AUTS2: variants seen among roughly 807,000 people sequenced by gnomAD.
AUTS2 encodes the protein activator of transcription and developmental regulator AUTS2, also known as autism susceptibility gene 2 protein.
AUTS2 carries 17 observed loss-of-function variants against 112.4 expected under a neutral mutation model. The ratio of observed to expected loss-of-function variants is 0.15; its 90% CI spans 0.10 to 0.23. The LOEUF (loss-of-function observed/expected upper bound fraction) is 0.23. Ranked by LOEUF, AUTS2 falls within the 10% of genes least tolerant of loss-of-function variation. The pLI is 1.00. For missense variants in AUTS2, 1,510 were observed against 1,701.6 expected (o/e 0.89, Z 1.98); for synonymous variants, 751 against 702.7 (o/e 1.07, Z -1.09).
chr7:70,067,603 T>C (rs1168421635), intron 2 of AUTS2, among the ~76,000 whole-genome samples: 4 of 152,148 alleles, frequency 2.6e-5, no homozygotes, highest in Non-Finnish European at 5.9e-5. Context: ...CCCAGCACTT[T>C]GGTAGTTCAA....
intron 6 of AUTS2, among the ~76,000 whole-genome samples, chr7:70,714,759 T>C (rs1176871530): frequency 6.6e-6 from 1 of 152,218 alleles, no homozygotes; most frequent in African/African-American, 2.4e-5. Context: ...AAATGGAAGT[T>C]GGCCGTAAAG....
At chr7:70,081,877 T>A (rs181444131) in intron 2 of AUTS2, among the ~76,000 whole-genome samples, 2 of 152,082 alleles carry the variant, frequency 1.3e-5, no homozygotes, top group East Asian at 3.9e-4. Context: ...AAAAATCCAG[T>A]TGATGCCAGT....
At chr7:70,483,201 T>A (rs895048302) in intron 5 of AUTS2, among the ~76,000 whole-genome samples, 6 of 151,062 alleles carry the variant, frequency 4.0e-5, no homozygotes, top group Non-Finnish European at 5.9e-5. Flanking sequence ...TGTCTTCTAC[T>A]GTGTGCTCCA....
intron 1 of AUTS2, among the ~76,000 whole-genome samples, chr7:69,768,467 A>C (rs575515688): frequency 6.6e-6 from 1 of 152,150 alleles, no homozygotes; most frequent in South Asian, 2.1e-4. Context: ...GTGAGTGTAT[A>C]TTTCTTTTTG....
At chr7:69,898,548 G>A (rs534625932) in intron 1 of AUTS2, among the ~76,000 whole-genome samples, 1 of 152,252 alleles carries the variant, frequency 6.6e-6, no homozygotes, top group East Asian at 1.9e-4. Context: ...TGGAGGCACA[G>A]AACTCTTATC....
intron 2 of AUTS2, among the ~76,000 whole-genome samples, chr7:70,044,196 A>G (rs968589240): frequency 1.3e-5 from 2 of 152,080 alleles, no homozygotes; most frequent in African/African-American, 4.8e-5. Flanking sequence ...GCTGGTTTCC[A>G]GGTGCAGGTC....
intron 6 of AUTS2, among the ~76,000 whole-genome samples, chr7:70,727,285 G>C (rs1367738917): frequency 6.6e-6 from 1 of 152,220 alleles, no homozygotes; most frequent in Non-Finnish European, 1.5e-5. Flanking sequence ...TTCTGTCATA[G>C]CAAGCAAAAG....
At position 69,973,451 on chromosome 7, in the gene AUTS2, A is replaced by G. The variant is rs1448792450; in HGVS notation, c.522+73953A>G. 2.6e-5 allele frequency among the ~76,000 whole-genome samples: 4 copies of G among 152,284 alleles called. No homozygotes were observed. In the East Asian group the frequency reaches 7.7e-4, roughly 29 times the overall value. On this transcript the variant is annotated intron_variant, in intron 2 of 18. Coordinates refer to ENST00000342771, the MANE Select transcript of AUTS2 (RefSeq NM_015570.4). ...TTTCTTGGCTAATTGCACTGAGTAG[A>G]ACTTCTCATGCGGTGTGAACTAAGA...
chr7:70,280,045 A>G (rs1788130472), intron 4 of AUTS2, among the ~76,000 whole-genome samples: 1 of 152,162 alleles, frequency 6.6e-6, no homozygotes, highest in Non-Finnish European at 1.5e-5. Context: ...ACGAAATGAG[A>G]ATAATAATTC....
At chr7:70,586,270 G>A (rs2129527793) in intron 5 of AUTS2, among the ~76,000 whole-genome samples, 1 of 152,278 alleles carries the variant, frequency 6.6e-6, no homozygotes, top group East Asian at 1.9e-4. Flanking sequence ...TATCAAATTG[G>A]TGAGTGTGTA....
intron 1 of AUTS2, among the ~76,000 whole-genome samples, chr7:69,847,483 T>G (rs930942273): frequency 6.6e-6 from 1 of 152,162 alleles, no homozygotes; most frequent in Non-Finnish European, 1.5e-5. Context: ...GCCATAGCCT[T>G]TAAAACAGGA....
intron 1 of AUTS2, among the ~76,000 whole-genome samples, chr7:69,650,154 A>G (rs1040893826): frequency 7.2e-5 from 11 of 152,202 alleles, no homozygotes; most frequent in African/African-American, 2.4e-4. Context: ...AAATTGGGCT[A>G]TTCCCATGCT....
chr7:70,143,361 A>G (rs904364747), intron 4 of AUTS2, among the ~76,000 whole-genome samples: 1 of 152,226 alleles, frequency 6.6e-6, no homozygotes, highest in Non-Finnish European at 1.5e-5. Flanking sequence ...ATACAATGTC[A>G]TTTTAACAAA....
rs11973677 is a variant in AUTS2, at chr7:70,341,136, C to T, written c.661-94616C>T. Among the ~76,000 whole-genome samples, 319 of 152,272 alleles carry T rather than the reference C, an allele frequency of 2.1e-3. 1 individual carries two copies. The highest frequency in any genetic ancestry group is 7.4e-3 in the African/African-American group (308 of 41,562). ...TCTGATTTATTAGCTCTTCATTATTCTCATTCTGTCAGCTTCCCAATAAAT... is the reference window on the plus strand; with the variant it reads ...TCTGATTTATTAGCTCTTCATTATTTTCATTCTGTCAGCTTCCCAATAAAT... On this transcript the variant is annotated intron_variant, in intron 4 of 18. Transcript: ENST00000342771.
intron 4 of AUTS2, among the ~76,000 whole-genome samples, chr7:70,312,005 C>A (rs921462703): frequency 6.6e-6 from 1 of 152,142 alleles, no homozygotes; most frequent in Non-Finnish European, 1.5e-5. Context: ...TGAGCCACCG[C>A]GCCCGGCCAC....
At chr7:69,647,845 C>G (rs1200701243) in intron 1 of AUTS2, among the ~76,000 whole-genome samples, 1 of 152,186 alleles carries the variant, frequency 6.6e-6, no homozygotes, top group African/African-American at 2.4e-5. Flanking sequence ...TTTGCCTCTT[C>G]CTAGCTTCTG....
chr7:69,735,770 CCCTT>C (rs1787003011), intron 1 of AUTS2, among the ~76,000 whole-genome samples: 1 of 152,176 alleles, frequency 6.6e-6, no homozygotes, highest in South Asian at 2.1e-4. Context: ...TAAGGGCTGG[CCCTT>C]ATCTGATTTG....
intron 1 of AUTS2, among the ~76,000 whole-genome samples, chr7:69,676,458 C>T (rs1384970032): frequency 6.6e-6 from 1 of 152,222 alleles, no homozygotes; most frequent in East Asian, 1.9e-4. Context: ...CTAGAAATGA[C>T]TATAAACTGA....
rs1346307604 is a variant in AUTS2, at chr7:70,694,750, T to C, written c.691-3819T>C. On this transcript the variant is annotated intron_variant, in intron 5 of 18. Transcript: ENST00000342771. The surrounding 1 kb of genome is among the most constrained non-coding windows in gnomAD (Gnocchi z 4.1). ...GGCCGGGCGATCTCGGCGGGCGCGCTCCTCCCGCCGCCCGGGGCCTCGGCC... is the reference window on the plus strand; with the variant it reads ...GGCCGGGCGATCTCGGCGGGCGCGCCCCTCCCGCCGCCCGGGGCCTCGGCC... 6.8e-6 allele frequency: 1 copy of C among 147,074 alleles called. No homozygotes were observed. Among genetic ancestry groups the C allele is most frequent in the African/African-American group, 2.5e-5 (1 of 40,276 alleles). 9.1% of individuals were successfully genotyped at this position (147,074 alleles called of 1,614,324 possible).
Sources: gnomAD v4.1 joint callset for allele counts (sites outside exome capture counted in the v4.1 genomes callset) on GRCh38, gnomAD v4.1.1 for gene constraint, Gnocchi (gnomAD v3.1) non-coding constraint, MANE v1.5 for transcripts, NCBI Gene and HGNC (gene_info 2026-07-23, HGNC 2026-07-21) for gene names.